The following SMYD2 variants were observed in gnomAD, a reference collection of about 807,000 sequenced individuals.
SMYD2 encodes the protein N-lysine methyltransferase SMYD2.
SMYD2 carries 53 observed loss-of-function variants against 59.1 expected under a neutral mutation model. The observed-to-expected ratio is 0.90, with a 90% confidence interval of 0.72 to 1.13. The LOEUF (loss-of-function observed/expected upper bound fraction) is 1.13. SMYD2 is among the 50% of genes most tolerant of loss of function. SMYD2 has a pLI of 0.00. For synonymous variants in SMYD2, 208 were observed against 198.8 expected (o/e 1.05, Z -0.39); for missense variants, 494 against 544.7 (o/e 0.91, Z 0.93).
chr1:214,304,579 A>AAAAAAAAAAC (rs1656886553), intron 1 of SMYD2, among the ~76,000 whole-genome samples: 1 of 151,400 alleles, frequency 6.6e-6, no homozygotes, highest in African/African-American at 2.4e-5. Context: ...AAAAAAAAAA[A>AAAAAAAAAAC]AAAGCATCTA....
chr1:214,327,742 G>A lies in SMYD2; in HGVS notation c.705+18G>A, dbSNP rs372383872. Reference sequence around the variant, plus strand: ...GAGAGGAGGTGAGTTCATGGCTATGGGTGGCTGCAGCAGGGGGCTTGAGAC... The same window carrying A: ...GAGAGGAGGTGAGTTCATGGCTATGAGTGGCTGCAGCAGGGGGCTTGAGAC... On this transcript the variant is annotated intron_variant, in intron 7 of 11. Transcript: ENST00000366957. 248 of 1,607,356 alleles carry A rather than the reference G, an allele frequency of 1.5e-4. No individual in the cohort carries two copies. The highest frequency in any genetic ancestry group is 5.3e-4 in the Admixed American group (32 of 59,990).
chr1:214,307,122 G>A (rs931636474), intron 2 of SMYD2, among the ~76,000 whole-genome samples: 2 of 152,238 alleles, frequency 1.3e-5, no homozygotes, highest in Admixed American at 6.5e-5. Context: ...GCAGTGAGCC[G>A]AGATCGTGCC....
At chr1:214,314,134 G>A (rs940203202) in intron 2 of SMYD2, among the ~76,000 whole-genome samples, 11 of 151,580 alleles carry the variant, frequency 7.3e-5, no homozygotes, top group South Asian at 4.2e-4. Context: ...TCGAGATCGC[G>A]CCACTGCACT....
At chr1:214,296,229 C>T (rs985426690) in intron 1 of SMYD2, among the ~76,000 whole-genome samples, 2 of 152,234 alleles carry the variant, frequency 1.3e-5, no homozygotes, top group African/African-American at 2.4e-5. Flanking sequence ...ACATTTCTAA[C>T]TTGTTGATCT....
intron 2 of SMYD2, among the ~76,000 whole-genome samples, chr1:214,311,388 A>G (rs1656997366): frequency 6.6e-6 from 1 of 152,142 alleles, no homozygotes; most frequent in Non-Finnish European, 1.5e-5. Flanking sequence ...TCTGATTATC[A>G]CTGTTGGAAG....
intron 2 of SMYD2, among the ~76,000 whole-genome samples, chr1:214,313,512 TA>T (rs79944948): frequency 5.0e-3 from 687 of 137,946 alleles, no homozygotes; most frequent in East Asian, 8.9e-3. Context: ...ATTTCCCATC[TA>T]AAAAAAAAAA....
intron 1 of SMYD2, among the ~76,000 whole-genome samples, chr1:214,302,076 T>C (rs1482071137): frequency 1.3e-5 from 2 of 152,146 alleles, no homozygotes; most frequent in African/African-American, 4.8e-5. Flanking sequence ...GCGCGGTATC[T>C]CACGTCTGTA....
intron 1 of SMYD2, among the ~76,000 whole-genome samples, chr1:214,297,078 G>A (rs1242431883): frequency 6.6e-6 from 1 of 152,172 alleles, no homozygotes; most frequent in East Asian, 1.9e-4. Context: ...ATTTCCACAC[G>A]AAAAAGCCAC....
intron 9 of SMYD2, 184 bp from the exon 10 acceptor site, chr1:214,331,834 A>G: frequency 3.3e-6 from 2 of 601,796 alleles, no homozygotes. Flanking sequence ...TCCGACCTTC[A>G]GGTTTTCTTC....
intron 1 of SMYD2, among the ~76,000 whole-genome samples, chr1:214,286,309 A>T (rs1353718): frequency 0.3 from 46,227 of 151,752 alleles, 7,382 homozygotes; most frequent in African/African-American, 0.35. Flanking sequence ...GCTACAAAAA[A>T]AATTTTATTT....
Position 214,322,748 on chromosome 1 carries a change from A to G in SMYD2, c.535-1893A>G, listed in dbSNP as rs553806699. On this transcript the variant is annotated intron_variant, in intron 5 of 11. Coordinates refer to ENST00000366957, the MANE Select transcript of SMYD2 (RefSeq NM_020197.3). ...TCTGGCTCCTGTTCTGCCACTTATC[A>G]TTTACATATCCTTGAGCAAGTCACT... Among the ~76,000 whole-genome samples, 13 of 152,316 alleles carry G rather than the reference A, an allele frequency of 8.5e-5. No homozygotes were observed. The East Asian group carries it at 2.1e-3, about 25-fold the overall frequency.
intron 7 of SMYD2, among the ~76,000 whole-genome samples, 175 bp from the exon 8 acceptor site, chr1:214,329,993 C>T (rs1311130631): frequency 1.3e-5 from 2 of 152,212 alleles, no homozygotes; most frequent in Non-Finnish European, 2.9e-5. Context: ...AGAAAGCCAA[C>T]GTCAGGTGGC....
rs954934427 is a variant in SMYD2 at position 214,312,579 on chromosome 1, G to C, written c.238-2183G>C. 4.6e-5 allele frequency among the ~76,000 whole-genome samples: 7 copies of C among 152,204 alleles called. No homozygotes were observed. The highest frequency in any genetic ancestry group is 1.7e-4 in the African/African-American group (7 of 41,454). ...AGGTGACATTCCAGCAGCGGCTGGA[G>C]AGGAGGGAGGGAGTCACATGGATAT... On this transcript the variant is annotated intron_variant, in intron 2 of 11. Coordinates refer to ENST00000366957, the MANE Select transcript of SMYD2 (RefSeq NM_020197.3). This position sits in a 1 kb window ranked among gnomAD's most constrained non-coding sequence, Gnocchi z 4.1.
chr1:214,281,194 A>T lies in SMYD2; in HGVS notation c.-61A>T. The T allele has an allele frequency of 8.5e-7, 1 of 1,172,598 alleles. No homozygotes were observed. The highest frequency in any genetic ancestry group is 3.5e-5 in the East Asian group (1 of 28,856). The allele number at this position is 1,172,598 out of a possible 1,614,324, so 72.6% of individuals were successfully genotyped here. ...CCGCAGCTCTAGGTGACGCGTCTCC[A>T]ATAACAGCTCGCCGGGAGCCGCAGC... is the stretch of plus-strand genomic sequence containing the variant. On this transcript the variant is annotated 5_prime_UTR_variant, in exon 1 of 12. Coordinates refer to ENST00000366957, the MANE Select transcript of SMYD2 (RefSeq NM_020197.3).
chr1:214,281,374 C>T lies in SMYD2; in HGVS notation c.120C>T (p.Ala40=), dbSNP rs1656439425. ...TGCTGTTCTCCTGCCCGGCCTATGC[C>T]TACGTGCTCACGGTCAACGAGCGGG... The part of the protein sequence containing the change: ...GDLLFSCPAY[A]YVLTVNERGN... The change falls in exon 1 of 12, where the codon GCC becomes GCT. Residue 40 remains alanine, a synonymous_variant. Transcript: ENST00000366957. 3.4e-6 allele frequency: 5 copies of T among 1,462,024 alleles called. No homozygotes were observed. Among genetic ancestry groups the T allele is most frequent in the Middle Eastern group, 1.9e-4 (1 of 5,250 alleles). The allele number at this position is 1,462,024 out of a possible 1,614,324, so 90.6% of individuals were successfully genotyped here.
At chr1:214,328,930 T>C (rs1657305338) in intron 7 of SMYD2, among the ~76,000 whole-genome samples, 1 of 152,238 alleles carries the variant, frequency 6.6e-6, no homozygotes, top group African/African-American at 2.4e-5. Flanking sequence ...ACCTGTGGGC[T>C]GACTGCAGAG....
chr1:214,285,856 G>C (rs1656529948), intron 1 of SMYD2, among the ~76,000 whole-genome samples: 1 of 152,160 alleles, frequency 6.6e-6, no homozygotes, highest in Non-Finnish European at 1.5e-5. Context: ...GTTGCTCTTA[G>C]GTTACAAACC....
chr1:214,281,561 A>AG (rs1292751604), intron 1 of SMYD2, 134 bp downstream of exon 1: 1 of 183,380 alleles, frequency 5.5e-6, no homozygotes, highest in Non-Finnish European at 1.0e-5. Context: ...GGGGGCGGGG[A>AG]GGGGAGGAGG....
chr1:214,309,687 G>A (rs1389065002), intron 2 of SMYD2, among the ~76,000 whole-genome samples: 1 of 152,138 alleles, frequency 6.6e-6, no homozygotes, highest in Non-Finnish European at 1.5e-5. Context: ...GGCCAGAGTC[G>A]TAGGTTCAAT....
Sources: allele counts gnomAD v4.1 joint callset (sites outside exome capture counted in the v4.1 genomes callset), GRCh38; gene constraint gnomAD v4.1.1; non-coding constraint Gnocchi (gnomAD v3.1); transcripts MANE v1.5; gene names NCBI Gene and HGNC (gene_info 2026-07-23, HGNC 2026-07-21).